Variants in DENND1A observed in about 807,000 individuals in gnomAD.
The protein encoded by DENND1A is DENN domain containing 1A.
In DENND1A, 51 loss-of-function variants were observed where a neutral mutation model predicts 113.7. The observed-to-expected ratio is 0.45, with a 90% CI of 0.36 to 0.57. DENND1A has a LOEUF of 0.57. DENND1A is among the 20% of genes least tolerant of loss of function. DENND1A has a pLI of 0.00. For missense variants in DENND1A, 1,258 were observed against 1,395.9 expected (o/e 0.90, Z 1.57); for synonymous variants, 565 against 570.8 (o/e 0.99, Z 0.14).
intron 5 of DENND1A, among the ~76,000 whole-genome samples, chr9:123,712,677 C>T (rs1439536903): frequency 3.3e-5 from 5 of 152,158 alleles, no homozygotes; most frequent in Non-Finnish European, 5.9e-5. Context: ...TCTGTTATAA[C>T]AGTGGAAATG....
At chr9:123,463,438 A>T (rs1488689430) in intron 13 of DENND1A, among the ~76,000 whole-genome samples, 1 of 152,216 alleles carries the variant, frequency 6.6e-6, no homozygotes. Context: ...ATTGGCATAA[A>T]AATAAAATCT....
intron 2 of DENND1A, among the ~76,000 whole-genome samples, chr9:123,795,352 A>G (rs1247196362): frequency 6.6e-6 from 1 of 152,180 alleles, no homozygotes; most frequent in African/African-American, 2.4e-5. Flanking sequence ...CTTTTTTCAC[A>G]TTGAGTCAAT....
intron 5 of DENND1A, among the ~76,000 whole-genome samples, chr9:123,750,628 C>T (rs1360968030): frequency 1.3e-5 from 2 of 152,190 alleles, no homozygotes; most frequent in African/African-American, 4.8e-5. Flanking sequence ...ACACAGTATC[C>T]AGCTTACTTT....
chr9:123,519,992 T>G (rs1297673785), intron 13 of DENND1A, among the ~76,000 whole-genome samples: 25 of 151,652 alleles, frequency 1.6e-4, no homozygotes, highest in Admixed American at 1.4e-3. Flanking sequence ...AGACCTTGTT[T>G]CTACAAAAAA....
At chr9:123,584,008 T>C (rs887295262) in intron 11 of DENND1A, among the ~76,000 whole-genome samples, 1 of 152,220 alleles carries the variant, frequency 6.6e-6, no homozygotes, top group African/African-American at 2.4e-5. Flanking sequence ...ATAGCCTATG[T>C]GAGTCCAAGA....
At chr9:123,597,447 C>T (rs1463413701) in intron 11 of DENND1A, among the ~76,000 whole-genome samples, 4 of 152,148 alleles carry the variant, frequency 2.6e-5, no homozygotes, top group South Asian at 2.1e-4. Context: ...GTCCTACCCA[C>T]GAGCCTAGGA....
In DENND1A at chr9:123,387,761, C is replaced by T. The variant is rs1002976834; in HGVS notation, c.1729G>A (p.Glu577Lys). Reference protein sequence around the residue: ...REEGPSSGFTESFFFSAPFEW... With the variant: ...REEGPSSGFTKSFFFSAPFEW... ...AAGGGAGCGGAGAAGAAAAAGCTCT[C>T]GGTGAAGCCAGAGCTCGGGCCCTCT... is the stretch of plus-strand genomic sequence containing the variant. Residue 577 changes from glutamate (E) to lysine (K), a missense_variant, in exon 22 of 24, where the codon GAG becomes AAG. Physicochemically the swap from Glu to Lys is moderately conservative, Grantham distance 56. Coordinates refer to ENST00000394215, the MANE Select transcript of DENND1A (RefSeq NM_001352964.2). The T allele has an allele frequency of 3.9e-6, 5 of 1,289,890 alleles. No individual in the cohort carries two copies. Among genetic ancestry groups the T allele is most frequent in the East Asian group, 5.5e-5 (1 of 18,026 alleles). 79.9% of individuals were successfully genotyped at this position (1,289,890 alleles called of 1,614,324 possible).
chr9:123,512,046 T>A (rs1159110976), intron 13 of DENND1A, among the ~76,000 whole-genome samples: 3 of 152,184 alleles, frequency 2.0e-5, no homozygotes, highest in African/African-American at 7.2e-5. Flanking sequence ...TAGGTCACCG[T>A]GTTCCTGGAA....
intron 2 of DENND1A, among the ~76,000 whole-genome samples, chr9:123,799,911 T>C (rs1235227915): frequency 6.6e-6 from 1 of 152,240 alleles, no homozygotes; most frequent in Non-Finnish European, 1.5e-5. Context: ...GTTGTTGTTA[T>C]ATTATTAACC....
chr9:123,863,076 T>G (rs1845284081), intron 2 of DENND1A, among the ~76,000 whole-genome samples: 1 of 152,210 alleles, frequency 6.6e-6, no homozygotes, highest in South Asian at 2.1e-4. Flanking sequence ...TGGTAATAAG[T>G]GCGATGACAA....
intron 9 of DENND1A, among the ~76,000 whole-genome samples, chr9:123,644,397 A>AC (rs1269106894): frequency 6.6e-6 from 1 of 151,606 alleles, no homozygotes; most frequent in East Asian, 1.9e-4. Context: ...AAAAAAAAAA[A>AC]AAAAACCTCT....
intron 2 of DENND1A, among the ~76,000 whole-genome samples, chr9:123,821,104 A>G (rs952148933): frequency 3.3e-5 from 5 of 152,244 alleles, no homozygotes; most frequent in African/African-American, 1.2e-4. Context: ...TGACAACTTT[A>G]TCAAATTCTT....
chr9:123,849,284 T>A lies in DENND1A; in HGVS notation c.88+29667A>T, dbSNP rs1454946579. ...ATTCAAACCAATGCTCATCGACCAT[T>A]CTGAAAATCCTAAGGTTCTTAAGTA... On this transcript the variant is annotated intron_variant, in intron 2 of 23. Coordinates refer to ENST00000394215, the MANE Select transcript of DENND1A (RefSeq NM_001352964.2). Among the ~76,000 whole-genome samples, 6 of 152,302 alleles carry A rather than the reference T, an allele frequency of 3.9e-5. No homozygotes were observed. In the East Asian group the frequency reaches 7.7e-4, roughly 20 times the overall value.
intron 5 of DENND1A, among the ~76,000 whole-genome samples, chr9:123,699,583 T>C (rs985519296): frequency 9.9e-5 from 15 of 152,006 alleles, no homozygotes; most frequent in African/African-American, 3.1e-4. Context: ...TTCTTCTGTA[T>C]TGGAAAAAGT....
chr9:123,621,105 C>T (rs1367046689), intron 10 of DENND1A, among the ~76,000 whole-genome samples: 1 of 151,842 alleles, frequency 6.6e-6, no homozygotes, highest in Non-Finnish European at 1.5e-5. Flanking sequence ...TTGGCCACAA[C>T]TATCCATCTA....
chr9:123,523,234 G>A (rs891870940), intron 13 of DENND1A, among the ~76,000 whole-genome samples: 10 of 152,236 alleles, frequency 6.6e-5, no homozygotes, highest in Middle Eastern at 3.4e-3. Context: ...ACCCCCTTAC[G>A]TGTGACAGCA....
intron 5 of DENND1A, among the ~76,000 whole-genome samples, chr9:123,730,633 T>C (rs542712078): frequency 6.6e-6 from 1 of 152,250 alleles, no homozygotes; most frequent in Non-Finnish European, 1.5e-5. Flanking sequence ...TGTGTAGAAG[T>C]AGGAACGCTT....
chr9:123,609,564 A>G (rs1034803234), intron 10 of DENND1A, 83 bp from the exon 11 acceptor site: 3 of 1,498,646 alleles, frequency 2.0e-6, no homozygotes, highest in Non-Finnish European at 2.7e-6. Context: ...CTATTTGGAG[A>G]AAAACTGTTT....
In DENND1A at chr9:123,383,692, T is replaced by C. The variant is rs1296283525; in HGVS notation, c.1982A>G (p.Lys661Arg). ...GGTCCCTGGCTGCTCCCTCAGGTCT[T>C]TGGGGGCACGAAGGTCCTCTAAGCT... is the stretch of plus-strand genomic sequence containing the variant. The part of the protein sequence containing the change: ...AKSLEDLRAP[K>R]DLREQPGTFD... Residue 661 changes from lysine to arginine, a missense_variant, in exon 23 of 24, where the codon AAA (lysine) becomes AGA (arginine). Physicochemically the swap from Lys to Arg is conservative, Grantham distance 26. This residue lies in a region of DENND1A where 1,159 missense variants were observed against 1,231.7 expected (regional missense o/e 0.94). Transcript: ENST00000394215. 1.9e-6 allele frequency: 3 copies of C among 1,613,942 alleles called. No homozygotes were observed. Among genetic ancestry groups the C allele is most frequent in the East Asian group, 2.2e-5 (1 of 44,890 alleles).
Sources: allele counts gnomAD v4.1 joint callset (sites outside exome capture counted in the v4.1 genomes callset), GRCh38; gene constraint gnomAD v4.1.1; regional missense constraint gnomAD v4.1.1; transcripts MANE v1.5; gene names NCBI Gene and HGNC (gene_info 2026-07-23, HGNC 2026-07-21).